The following SLC9A9 variants were observed in gnomAD, a reference collection of about 807,000 sequenced individuals.
SLC9A9 encodes the protein sodium/hydrogen exchanger 9.
In SLC9A9, 62 loss-of-function variants were observed where a neutral mutation model predicts 77.8. That is an observed-to-expected ratio of 0.80 (90% CI 0.65 to 0.98). The LOEUF is 0.98. Ranked by LOEUF, SLC9A9 falls within the 50% of genes least tolerant of loss-of-function variation. The pLI is 0.00. For missense variants in SLC9A9, 775 were observed against 774.9 expected (o/e 1.00, Z 0.00); for synonymous variants, 320 against 283.5 (o/e 1.13, Z -1.29).
chr3:143,511,162 G>A (rs2036109901), intron 9 of SLC9A9, among the ~76,000 whole-genome samples: 1 of 152,162 alleles, frequency 6.6e-6, no homozygotes, highest in African/African-American at 2.4e-5. Flanking sequence ...TTGGGCTGGT[G>A]CAGTGGGGGT....
Position 143,703,660 on chromosome 3 carries a change from A to C in SLC9A9, c.534-10353T>G, listed in dbSNP as rs576387628. Among the ~76,000 whole-genome samples, 6 of 152,268 alleles carry C rather than the reference A, an allele frequency of 3.9e-5. No individual in the cohort carries two copies. The South Asian group carries it at 1.2e-3, about 32-fold the overall frequency. On this transcript the variant is annotated intron_variant, in intron 4 of 15. Coordinates refer to ENST00000316549, the MANE Select transcript of SLC9A9 (RefSeq NM_173653.4). The stretch of plus-strand genomic sequence containing the variant: ...ACCTAATGATGTATCTTAACGAACC[A>C]GAAAAGAAAGAGCGAACCAAACCCA...
intron 12 of SLC9A9, among the ~76,000 whole-genome samples, chr3:143,422,605 G>A (rs72992201): frequency 0.025 from 3,747 of 152,234 alleles, 174 homozygotes; most frequent in African/African-American, 0.084. Flanking sequence ...AGGAGGGAGG[G>A]AGGAGGGAAG....
intron 6 of SLC9A9, among the ~76,000 whole-genome samples, chr3:143,616,383 A>T (rs1305378103): frequency 6.6e-6 from 1 of 152,174 alleles, no homozygotes; most frequent in African/African-American, 2.4e-5. Flanking sequence ...CTTTTTAAAA[A>T]CATCCCCAAA....
At position 143,415,495 on chromosome 3, in the gene SLC9A9, A is replaced by G. The variant is rs1287443960; in HGVS notation, c.1470-33381T>C. Among the ~76,000 whole-genome samples the G allele has an allele frequency of 2.6e-5, 4 of 152,076 alleles. No individual in the cohort carries two copies. In the East Asian group the frequency reaches 7.7e-4, roughly 29 times the overall value. Reference sequence around the variant, plus strand: ...GGCCATTAAGAGTTATGCTAAATTGACTCTGCCTATGTTATATAAATGGAA... The same window carrying G: ...GGCCATTAAGAGTTATGCTAAATTGGCTCTGCCTATGTTATATAAATGGAA... On this transcript the variant is annotated intron_variant, in intron 12 of 15. Transcript: ENST00000316549.
chr3:143,553,341 T>C (rs943679095), intron 8 of SLC9A9, among the ~76,000 whole-genome samples: 8 of 152,112 alleles, frequency 5.3e-5, no homozygotes, highest in African/African-American at 1.2e-4. Flanking sequence ...CACTGTACTT[T>C]GGGTTAAAGA....
intron 4 of SLC9A9, among the ~76,000 whole-genome samples, chr3:143,719,666 C>T (rs978708271): frequency 3.3e-5 from 5 of 152,048 alleles, no homozygotes; most frequent in South Asian, 4.2e-4. Flanking sequence ...TAACAGGTGC[C>T]GAACAATTTC....
intron 12 of SLC9A9, among the ~76,000 whole-genome samples, chr3:143,424,685 AT>A (rs1211667574): frequency 6.6e-6 from 1 of 152,104 alleles, no homozygotes; most frequent in Non-Finnish European, 1.5e-5. Context: ...AAAGTTTGAT[AT>A]TTTTCACAAT....
intron 14 of SLC9A9, among the ~76,000 whole-genome samples, chr3:143,304,263 G>A (rs192601353): frequency 1.1e-3 from 171 of 152,310 alleles, no homozygotes; most frequent in African/African-American, 3.9e-3. Flanking sequence ...ATGGCCTCAG[G>A]GAGAAGAGAG....
chr3:143,293,231 C>T (rs747421496), intron 14 of SLC9A9, among the ~76,000 whole-genome samples: 3 of 152,138 alleles, frequency 2.0e-5, no homozygotes, highest in South Asian at 2.1e-4. Context: ...GGAGCTGCCC[C>T]GGTTTTCAGT....
intron 14 of SLC9A9, among the ~76,000 whole-genome samples, chr3:143,302,668 T>G (rs1418206857): frequency 6.6e-6 from 1 of 152,076 alleles, no homozygotes; most frequent in African/African-American, 2.4e-5. Context: ...GAGGGAGAGC[T>G]GGCAGAAAGG....
intron 8 of SLC9A9, among the ~76,000 whole-genome samples, chr3:143,563,386 A>T (rs2037118683): frequency 6.6e-6 from 1 of 152,196 alleles, no homozygotes; most frequent in Admixed American, 6.5e-5. Flanking sequence ...TTACTTGTTG[A>T]TATGATCAAA....
chr3:143,824,999 C>T (rs1008875577), intron 2 of SLC9A9, among the ~76,000 whole-genome samples: 5 of 152,136 alleles, frequency 3.3e-5, no homozygotes, highest in Admixed American at 6.5e-5. Flanking sequence ...TGGTAGGAGC[C>T]AAGAATTGTC....
chr3:143,391,855 T>C (rs964783438), intron 12 of SLC9A9, among the ~76,000 whole-genome samples: 6 of 152,128 alleles, frequency 3.9e-5, no homozygotes, highest in Non-Finnish European at 8.8e-5. Flanking sequence ...GTATCAGTGA[T>C]TGAAGATCAG....
intron 4 of SLC9A9, among the ~76,000 whole-genome samples, chr3:143,788,815 T>C (rs1422038764): frequency 6.6e-6 from 1 of 151,550 alleles, no homozygotes; most frequent in Non-Finnish European, 1.5e-5. Flanking sequence ...TGAGTATAGA[T>C]TGTTATGAAG....
intron 6 of SLC9A9, among the ~76,000 whole-genome samples, chr3:143,635,889 G>T (rs573127618): frequency 1.3e-5 from 2 of 152,272 alleles, no homozygotes; most frequent in South Asian, 4.1e-4. Context: ...TTATAGTTTG[G>T]AGTTGTGAAT....
intron 5 of SLC9A9, among the ~76,000 whole-genome samples, chr3:143,663,808 G>A (rs552857652): frequency 1.3e-5 from 2 of 152,112 alleles, no homozygotes; most frequent in Non-Finnish European, 2.9e-5. Flanking sequence ...CAAGAAATAC[G>A]GGAAACTCAT....
At chr3:143,402,867 T>C (rs1415376857) in intron 12 of SLC9A9, among the ~76,000 whole-genome samples, 4 of 136,174 alleles carry the variant, frequency 2.9e-5, no homozygotes, top group African/African-American at 1.0e-4. Flanking sequence ...ACTTCTTCCA[T>C]TTTGCTATTT....
intron 12 of SLC9A9, among the ~76,000 whole-genome samples, chr3:143,464,486 G>A (rs1233725873): frequency 5.9e-5 from 9 of 152,146 alleles, no homozygotes; most frequent in Admixed American, 2.0e-4. Flanking sequence ...CCCACTGATC[G>A]GTGCACAGTG....
At chr3:143,499,130 T>G (rs1222315317) in intron 9 of SLC9A9, among the ~76,000 whole-genome samples, 2 of 152,252 alleles carry the variant, frequency 1.3e-5, no homozygotes, top group Non-Finnish European at 2.9e-5. Flanking sequence ...TGATGTTTTC[T>G]GAAATGACAC....
Sources: gnomAD v4.1 joint callset for allele counts (sites outside exome capture counted in the v4.1 genomes callset) on GRCh38, gnomAD v4.1.1 for gene constraint, MANE v1.5 for transcripts, NCBI Gene and HGNC (gene_info 2026-07-23, HGNC 2026-07-21) for gene names.